The following TMIGD2 variants were observed in gnomAD, a reference collection of about 807,000 sequenced individuals.
TMIGD2 encodes transmembrane and immunoglobulin domain-containing protein 2.
In TMIGD2, 18 loss-of-function variants were observed where a neutral mutation model predicts 22.6. That is an observed-to-expected ratio of 0.80 (90% CI 0.55 to 1.18). TMIGD2 has a LOEUF of 1.18. TMIGD2 is among the 50% of genes most tolerant of loss of function. The pLI is 0.00. For synonymous variants in TMIGD2, 184 were observed against 154.1 expected, an observed-to-expected ratio of 1.19 and a Z score of -1.44; for missense variants, 361 against 378.2, an observed-to-expected ratio of 0.95 and a Z score of 0.38.
rs531991694 is a variant in TMIGD2 at position 4,301,886 on chromosome 19, C to A, written c.46+454G>T. The stretch of plus-strand genomic sequence containing the variant: ...TGAGAAGTCTGACGTGTCTGTTAGA[C>A]CCCCGGAGAAGTTGAGGTTATGTGA... On this transcript the variant is annotated intron_variant, in intron 1 of 4. Transcript: ENST00000301272. 8.5e-4 allele frequency among the ~76,000 whole-genome samples: 130 copies of A among 152,206 alleles called. No homozygotes were observed. The Middle Eastern group carries it at 0.01, about 12-fold the overall frequency.
intron 1 of TMIGD2, among the ~76,000 whole-genome samples, chr19:4,302,054 C>T (rs2144746131): frequency 6.6e-6 from 1 of 152,222 alleles, no homozygotes. Context: ...AAAGAAAAGT[C>T]CCCAGGCTAG....
At chr19:4,293,414 C>T (rs1407380611) in intron 4 of TMIGD2, among the ~76,000 whole-genome samples, 2 of 150,910 alleles carry the variant, frequency 1.3e-5, no homozygotes, top group African/African-American at 4.9e-5. Context: ...GCCCCCGCTA[C>T]TACGTCTGGC....
At chr19:4,296,065 T>TA (rs1327472945) in intron 2 of TMIGD2, among the ~76,000 whole-genome samples, 1 of 152,134 alleles carries the variant, frequency 6.6e-6, no homozygotes, top group Non-Finnish European at 1.5e-5. Context: ...ACTATGGGTA[T>TA]ATGCCACCAT....
At position 4,294,866 on chromosome 19, in the gene TMIGD2, C is replaced by T. The variant is rs543441424; in HGVS notation, c.407-50G>A. ...GGGGGTGCCAGGCTTCTCCACCCTC[C>T]AAGGACAGAGCTCACTTGGGGGGAC... is the stretch of plus-strand genomic sequence containing the variant. On this transcript the variant is annotated intron_variant, in intron 2 of 4. Transcript: ENST00000301272. 59 of 1,510,424 alleles carry T rather than the reference C, an allele frequency of 3.9e-5. No individual in the cohort carries two copies. The South Asian group carries it at 7.0e-4, about 18-fold the overall frequency. The allele number at this position is 1,510,424 out of a possible 1,614,324, so 93.6% of individuals were successfully genotyped here. A position where few individuals can be genotyped will look rare whatever the true frequency, so the allele number is the denominator to read the frequency against.
chr19:4,292,467 C>T, exon 5 of TMIGD2: 4 of 946,150 alleles, frequency 4.2e-6, no homozygotes, highest in Non-Finnish European at 6.8e-6. Flanking sequence ...AAACCCCTGA[C>T]CTCAAGTGTT....
intron 2 of TMIGD2, among the ~76,000 whole-genome samples, chr19:4,295,949 C>G (rs1031208955): frequency 6.6e-6 from 1 of 152,150 alleles, no homozygotes; most frequent in East Asian, 1.9e-4. Context: ...GACAGGGTCG[C>G]TCTGTGTCAC....
chr19:4,292,538 C>G (rs778369732), exon 5 of TMIGD2: 9 of 1,527,074 alleles, frequency 5.9e-6, no homozygotes, highest in Non-Finnish European at 8.2e-6. Flanking sequence ...TGTCTGGCCT[C>G]GATCCCCCCT....
chr19:4,301,148 T>G (rs2144744455), intron 1 of TMIGD2, among the ~76,000 whole-genome samples: 1 of 152,216 alleles, frequency 6.6e-6, no homozygotes, highest in South Asian at 2.1e-4. Context: ...AATTTTTGTA[T>G]TTTTGGTAGA....
At chr19:4,293,899 C>T (rs1004863009) in intron 4 of TMIGD2, among the ~76,000 whole-genome samples, 17 of 150,032 alleles carry the variant, frequency 1.1e-4, no homozygotes, top group Admixed American at 1.1e-3. Flanking sequence ...GCAGCTGGGA[C>T]TACAGGCACA....
intron 2 of TMIGD2, among the ~76,000 whole-genome samples, chr19:4,297,181 CCTCAGCCTCCTGA>C (rs1311671507): frequency 3.4e-5 from 5 of 147,058 alleles, no homozygotes; most frequent in Non-Finnish European, 7.4e-5. Flanking sequence ...GATTCTCCTG[CCTCAGCCTCCTGA>C]GTAGCTGGAA....
At chr19:4,293,557 GC>G (rs1971416260) in intron 4 of TMIGD2, among the ~76,000 whole-genome samples, 1 of 141,766 alleles carries the variant, frequency 7.1e-6, no homozygotes, top group East Asian at 2.0e-4. Context: ...ACTGCACCCG[GC>G]CAATTTTTTT....
At chr19:4,294,933 AGTGTTCACTCTG>A (rs1971441343) in intron 2 of TMIGD2, 117 bp from the exon 3 acceptor site, 1 of 1,067,954 alleles carries the variant, frequency 9.4e-7, no homozygotes, top group African/African-American at 1.6e-5. Context: ...GATTTGGGCA[AGTGTTCACTCTG>A]AACCTCTGTT....
exon 5 of TMIGD2, chr19:4,292,693 G>A (rs1971397466): frequency 6.2e-7 from 1 of 1,603,672 alleles, no homozygotes; most frequent in Non-Finnish European, 8.5e-7. Context: ...GGGGTGGCCG[G>A]GCCTGGGGCT....
At chr19:4,297,392 C>T (rs1971475083) in intron 2 of TMIGD2, among the ~76,000 whole-genome samples, 1 of 151,948 alleles carries the variant, frequency 6.6e-6, no homozygotes, top group African/African-American at 2.4e-5. Context: ...TATTTAGAGA[C>T]AGGGTCTCGC....
intron 4 of TMIGD2, among the ~76,000 whole-genome samples, chr19:4,293,418 G>A (rs1009293934): frequency 2.7e-5 from 4 of 150,000 alleles, no homozygotes; most frequent in Admixed American, 6.7e-5. Context: ...CCGCTACTAC[G>A]TCTGGCTAAT....
intron 4 of TMIGD2, among the ~76,000 whole-genome samples, chr19:4,293,556 G>A (rs1282169159): frequency 1.4e-5 from 2 of 142,922 alleles, no homozygotes; most frequent in South Asian, 2.3e-4. Flanking sequence ...CACTGCACCC[G>A]GCCAATTTTT....
At chr19:4,293,505 C>CA (rs1971414848) in intron 4 of TMIGD2, among the ~76,000 whole-genome samples, 1 of 151,626 alleles carries the variant, frequency 6.6e-6, no homozygotes, top group East Asian at 1.9e-4. Context: ...CGTGATTCGC[C>CA]CGCCGTGGCC....
In TMIGD2 at chr19:4,292,730, G is replaced by A. The variant is rs139591667; in HGVS notation, c.718C>T (p.Pro240Ser). ...GGGCAGGGTCTCGGGCTGGGGCAGG[G>A]TCTTGACGCCAGGTGCGGCTGGCGG... Residue 240 changes from proline to serine, a missense_variant, in exon 5 of 5, where the codon CCC (proline) becomes TCC (serine). Coordinates refer to ENST00000301272, the Ensembl canonical transcript of TMIGD2. 387 of 1,610,308 alleles carry A rather than the reference G, an allele frequency of 2.4e-4. No individual in the cohort carries two copies. In the African/African-American group the frequency reaches 4.7e-3, roughly 19 times the overall value.
chr19:4,294,843 G>A, intron 2 of TMIGD2, 27 bp from the exon 3 acceptor site: 1 of 1,517,638 alleles, frequency 6.6e-7, no homozygotes, highest in Non-Finnish European at 8.8e-7. Flanking sequence ...TATGTCACGG[G>A]GGTGCCAGGC....
Sources: gnomAD v4.1 joint callset for allele counts (sites outside exome capture counted in the v4.1 genomes callset) on GRCh38, gnomAD v4.1.1 for gene constraint, MANE v1.5 for transcripts, NCBI Gene and HGNC (gene_info 2026-07-23, HGNC 2026-07-21) for gene names.